MXI1: variants seen among roughly 807,000 people sequenced by gnomAD.
MXI1 encodes MAX interactor 1, dimerization protein.
MXI1 carries 18 observed loss-of-function variants against 36.9 expected under a neutral mutation model. The ratio of observed to expected loss-of-function variants is 0.49; its 90% CI spans 0.34 to 0.72. The LOEUF is 0.72. Ranked by LOEUF, MXI1 falls within the 30% of genes least tolerant of loss-of-function variation. MXI1 has a pLI of 0.01. For synonymous variants in MXI1, 160 were observed against 146.7 expected (o/e 1.09, Z -0.65); for missense variants, 304 against 379.1 (o/e 0.80, Z 1.64).
chr10:110,229,166 C>T (rs913429262), intron 2 of MXI1, among the ~76,000 whole-genome samples: 6 of 152,178 alleles, frequency 3.9e-5, no homozygotes, highest in Non-Finnish European at 7.4e-5. Flanking sequence ...CCAGTGAATT[C>T]CTAGGATTCA....
rs2134486995 is a variant in MXI1, at chr10:110,285,105, AAAACT to A, written c.*120_*124del. On this transcript the variant is annotated 3_prime_UTR_variant, in exon 6 of 6. Coordinates refer to ENST00000332674, the MANE Select transcript of MXI1 (RefSeq NM_130439.3). ...TCTTTAAAACAAAACAAAACAAAAC[AAAACT>A]ATACTTGAACAAAAGGGTCAGAGGA... The A allele has an allele frequency of 1.3e-6, 1 of 766,438 alleles. No individual in the cohort carries two copies. Among genetic ancestry groups the A allele is most frequent in the Non-Finnish European group, 1.8e-6 (1 of 547,796 alleles). The allele number at this position is 766,438 out of a possible 1,614,324, so 47.5% of individuals were successfully genotyped here.
intron 3 of MXI1, among the ~76,000 whole-genome samples, chr10:110,256,379 G>A (rs913964154): frequency 2.0e-5 from 3 of 151,900 alleles, no homozygotes; most frequent in Middle Eastern, 3.2e-3. Flanking sequence ...TGAGGTGGGC[G>A]GATCACCTGA....
At chr10:110,215,322 G>A (rs1471529834) in intron 1 of MXI1, among the ~76,000 whole-genome samples, 1 of 152,150 alleles carries the variant, frequency 6.6e-6, no homozygotes, top group Non-Finnish European at 1.5e-5. Flanking sequence ...TTACAGGCGT[G>A]AGCCACCACA....
In MXI1 at chr10:110,208,070, AAAG is replaced by A; in HGVS notation, c.265_267del (p.Glu89del). ...CGCCAGCTACCTGGAGCAGATCGAG[AAAG>A]AAAACAAAAGTAAGTTTGGGGGCCC... On this transcript the variant is annotated inframe_deletion, in exon 1 of 6. Transcript: ENST00000332674. 6.3e-7 allele frequency: 1 copy of A among 1,591,040 alleles called. No homozygotes were observed. The highest frequency in any genetic ancestry group is 8.6e-7 in the Non-Finnish European group (1 of 1,169,270).
intron 1 of MXI1, among the ~76,000 whole-genome samples, chr10:110,223,181 A>C (rs1280848768): frequency 1.3e-5 from 2 of 152,248 alleles, no homozygotes; most frequent in Admixed American, 6.5e-5. Flanking sequence ...GCATGTAGCC[A>C]TCTCTTCCTA....
intron 4 of MXI1, among the ~76,000 whole-genome samples, chr10:110,279,694 A>T (rs549905659): frequency 1.3e-5 from 2 of 152,364 alleles, no homozygotes; most frequent in Non-Finnish European, 2.9e-5. Flanking sequence ...GTAACATAGC[A>T]TTCATTACAT....
intron 3 of MXI1, among the ~76,000 whole-genome samples, chr10:110,262,072 A>T (rs1373708894): frequency 6.6e-6 from 1 of 152,082 alleles, no homozygotes; most frequent in East Asian, 1.9e-4. Flanking sequence ...CATTTATGTT[A>T]AAAAATAACA....
intron 3 of MXI1, among the ~76,000 whole-genome samples, chr10:110,254,645 C>T (rs1262144220): frequency 6.6e-6 from 1 of 152,136 alleles, no homozygotes; most frequent in African/African-American, 2.4e-5. Flanking sequence ...AAGTGCTACT[C>T]TGGTGAACAT....
chr10:110,281,317 G>GT (rs1857240316), intron 5 of MXI1, among the ~76,000 whole-genome samples: 1 of 152,074 alleles, frequency 6.6e-6, no homozygotes, highest in Admixed American at 6.5e-5. Context: ...TTTTAAAAAT[G>GT]TAATTATAAT....
intron 3 of MXI1, among the ~76,000 whole-genome samples, chr10:110,247,111 T>C (rs965614024): frequency 5.3e-5 from 8 of 152,192 alleles, no homozygotes; most frequent in Non-Finnish European, 1.0e-4. Context: ...CTATTTGGAA[T>C]GGAGCTTTAA....
At chr10:110,212,160 G>T (rs142738815) in intron 1 of MXI1, among the ~76,000 whole-genome samples, 40 of 152,318 alleles carry the variant, frequency 2.6e-4, no homozygotes, top group Middle Eastern at 3.4e-3. Context: ...TTAAGATAGG[G>T]AAGGACGATC....
At chr10:110,233,170 C>T (rs1475594118) in intron 2 of MXI1, among the ~76,000 whole-genome samples, 2 of 152,082 alleles carry the variant, frequency 1.3e-5, no homozygotes, top group Non-Finnish European at 2.9e-5. Flanking sequence ...ATCTCAGTTC[C>T]ACTTTCTAAG....
chr10:110,269,319 C>T (rs1856783680), intron 3 of MXI1, among the ~76,000 whole-genome samples: 1 of 152,158 alleles, frequency 6.6e-6, no homozygotes, highest in South Asian at 2.1e-4. Flanking sequence ...GAATATTCCC[C>T]TTAAAATGAG....
At chr10:110,209,314 TGTGTAC>T (rs1323605109) in intron 1 of MXI1, among the ~76,000 whole-genome samples, 1 of 152,142 alleles carries the variant, frequency 6.6e-6, no homozygotes, top group South Asian at 2.1e-4. Flanking sequence ...CGAGTGTGTG[TGTGTAC>T]GTGTGCGCGT....
In MXI1 at chr10:110,223,298, A is replaced by G. The variant is rs540382655; in HGVS notation, c.275-4891A>G. On this transcript the variant is annotated intron_variant, in intron 1 of 5. Transcript: ENST00000332674. ...TGCTTGTCACACAAGTTTACCTCCTATTGAGAAAAGTAGAGTTGTATTTGT... is the reference window on the plus strand; with the variant it reads ...TGCTTGTCACACAAGTTTACCTCCTGTTGAGAAAAGTAGAGTTGTATTTGT... Among the ~76,000 whole-genome samples the G allele has an allele frequency of 2.6e-5, 4 of 152,286 alleles. 1 individual carries two copies. Among genetic ancestry groups the G allele is most frequent in the African/African-American group, 9.6e-5 (4 of 41,558 alleles).
intron 3 of MXI1, among the ~76,000 whole-genome samples, chr10:110,267,640 A>G (rs887923301): frequency 1.3e-5 from 2 of 152,230 alleles, no homozygotes; most frequent in Non-Finnish European, 2.9e-5. Context: ...CAGTTAAAAC[A>G]TTTGTAAACA....
intron 1 of MXI1, among the ~76,000 whole-genome samples, chr10:110,212,404 C>T (rs1167377458): frequency 6.6e-6 from 1 of 152,204 alleles, no homozygotes. Flanking sequence ...GCTTCACAGT[C>T]GAACCTCTGT....
Position 110,285,094 on chromosome 10 carries a change from CAAA to C in MXI1, c.*109_*111del. On this transcript the variant is annotated 3_prime_UTR_variant, in exon 6 of 6. Transcript: ENST00000332674. ...ATGCAGTCTCCTCTTTAAAACAAAA[CAAA>C]ACAAAACAAAACTATACTTGAACAA... 2.9e-6 allele frequency: 3 copies of C among 1,028,714 alleles called. No homozygotes were observed. Among genetic ancestry groups the C allele is most frequent in the East Asian group, 5.7e-5 (2 of 34,960 alleles). 63.7% of individuals were successfully genotyped at this position (1,028,714 alleles called of 1,614,324 possible). A position where few individuals can be genotyped will look rare whatever the true frequency, so the allele number is the denominator to read the frequency against.
rs567136961 is a variant in MXI1 at position 110,214,887 on chromosome 10, A to C, written c.274+6805A>C. Among the ~76,000 whole-genome samples the C allele has an allele frequency of 1.0e-3, 151 of 151,736 alleles. 1 individual carries two copies. The highest frequency in any genetic ancestry group is 3.4e-3 in the African/African-American group (140 of 41,428). ...AAGGAGAGAAAGAAAAAGAAATAAA[A>C]AAGTAACAACCCAGCAAGAAATGGG... On this transcript the variant is annotated intron_variant, in intron 1 of 5. Coordinates refer to ENST00000332674, the MANE Select transcript of MXI1 (RefSeq NM_130439.3).
Sources: gnomAD v4.1 joint callset for allele counts (sites outside exome capture counted in the v4.1 genomes callset) on GRCh38, gnomAD v4.1.1 for gene constraint, MANE v1.5 for transcripts, NCBI Gene and HGNC (gene_info 2026-07-23, HGNC 2026-07-21) for gene names.